NKAIN2: variants seen among roughly 807,000 people sequenced by gnomAD.
The protein encoded by NKAIN2 is sodium/potassium-transporting ATPase subunit beta-1-interacting protein 2.
NKAIN2 carries 14 observed loss-of-function variants against 32.6 expected under a neutral mutation model. The ratio of observed to expected loss-of-function variants is 0.43; its 90% CI spans 0.28 to 0.67. The LOEUF (loss-of-function observed/expected upper bound fraction) is 0.67. Among genes scored for constraint, NKAIN2 ranks in the 30% least tolerant of loss-of-function variants. The pLI is 0.17. For missense variants in NKAIN2, 198 were observed against 258.3 expected (o/e 0.77, Z 1.60); for synonymous variants, 80 against 87.2 (o/e 0.92, Z 0.46).
intron 3 of NKAIN2, among the ~76,000 whole-genome samples, chr6:124,579,437 G>T (rs997759378): frequency 2.0e-4 from 30 of 152,316 alleles, no homozygotes; most frequent in Admixed American, 1.7e-3. Flanking sequence ...AAGAAATTCT[G>T]CAGCTGAAAA....
At chr6:124,734,606 C>T (rs893055979) in intron 4 of NKAIN2, among the ~76,000 whole-genome samples, 4 of 151,800 alleles carry the variant, frequency 2.6e-5, no homozygotes, top group South Asian at 2.1e-4. Flanking sequence ...CAGAAGGTAC[C>T]TCCTAAGAAA....
In NKAIN2 at chr6:124,791,213, G is replaced by A. The variant is rs17052389; in HGVS notation, c.475-126G>A. 4,622 of 581,332 alleles carry A rather than the reference G, an allele frequency of 8.0e-3. 136 individuals are homozygous for A. Among genetic ancestry groups the A allele is most frequent in the African/African-American group, 0.071 (3,919 of 55,284 alleles). 36.0% of individuals were successfully genotyped at this position (581,332 alleles called of 1,614,324 possible). On this transcript the variant is annotated intron_variant, in intron 4 of 6. Coordinates refer to ENST00000368417, the MANE Select transcript of NKAIN2 (RefSeq NM_001040214.3). ...CCACACTGAAGTCAAGGTCCAGTCC[G>A]ATGAGCCATGTTGGTTGGAGCCCTA...
intron 3 of NKAIN2, among the ~76,000 whole-genome samples, chr6:124,431,664 T>C (rs951307089): frequency 6.6e-6 from 1 of 152,186 alleles, no homozygotes; most frequent in Non-Finnish European, 1.5e-5. Flanking sequence ...CCTATAGGTA[T>C]TGATTTAAAC....
At chr6:124,559,221 T>C (rs1400518701) in intron 3 of NKAIN2, among the ~76,000 whole-genome samples, 2 of 152,172 alleles carry the variant, frequency 1.3e-5, no homozygotes, top group African/African-American at 4.8e-5. Context: ...CCAATACACG[T>C]TTATTCTCTG....
chr6:124,523,053 G>C (rs2114801173), intron 3 of NKAIN2, among the ~76,000 whole-genome samples: 1 of 97,262 alleles, frequency 1.0e-5, no homozygotes, highest in East Asian at 3.9e-4. Flanking sequence ...TGAGGCAGGA[G>C]AATGGCGTGA....
At chr6:124,443,674 A>G (rs1242628419) in intron 3 of NKAIN2, among the ~76,000 whole-genome samples, 1 of 152,066 alleles carries the variant, frequency 6.6e-6, no homozygotes, top group East Asian at 1.9e-4. Context: ...CTGTCTTGAC[A>G]GGGTCTAATA....
intron 3 of NKAIN2, among the ~76,000 whole-genome samples, chr6:124,414,288 G>C (rs951841212): frequency 2.6e-5 from 4 of 152,042 alleles, no homozygotes; most frequent in African/African-American, 9.7e-5. Flanking sequence ...TTATTAAGAT[G>C]ATCACATTTT....
chr6:123,959,630 G>A (rs1294164465), intron 1 of NKAIN2, among the ~76,000 whole-genome samples: 1 of 152,094 alleles, frequency 6.6e-6, no homozygotes, highest in Non-Finnish European at 1.5e-5. Flanking sequence ...TCTTAAACCT[G>A]TTAGCATCAT....
At chr6:124,106,804 C>G (rs965478734) in intron 1 of NKAIN2, among the ~76,000 whole-genome samples, 4 of 152,096 alleles carry the variant, frequency 2.6e-5, no homozygotes, top group Non-Finnish European at 5.9e-5. Context: ...CTATGTGTGC[C>G]AGGCACTATC....
intron 1 of NKAIN2, among the ~76,000 whole-genome samples, chr6:123,978,642 G>A (rs969861233): frequency 2.0e-5 from 3 of 151,974 alleles, no homozygotes; most frequent in Admixed American, 2.0e-4. Flanking sequence ...CAACACAGAG[G>A]GTTTTAAAAT....
At chr6:124,743,727 G>A (rs2114694741) in intron 4 of NKAIN2, among the ~76,000 whole-genome samples, 1 of 151,944 alleles carries the variant, frequency 6.6e-6, no homozygotes, top group South Asian at 2.1e-4. Flanking sequence ...TAGAAGTATT[G>A]TTGGTAAGTT....
At chr6:123,940,732 C>T (rs927177548) in intron 1 of NKAIN2, among the ~76,000 whole-genome samples, 7 of 152,004 alleles carry the variant, frequency 4.6e-5, no homozygotes, top group East Asian at 3.9e-4. Flanking sequence ...TAGGACTGGA[C>T]GTTGCTTTGA....
intron 3 of NKAIN2, among the ~76,000 whole-genome samples, chr6:124,572,901 G>A (rs1424016580): frequency 6.6e-6 from 1 of 151,976 alleles, no homozygotes; most frequent in Non-Finnish European, 1.5e-5. Flanking sequence ...AGTGCTGGGG[G>A]TGATCTCTGC....
chr6:124,543,007 A>G (rs1349245007), intron 3 of NKAIN2, among the ~76,000 whole-genome samples: 1 of 152,170 alleles, frequency 6.6e-6, no homozygotes, highest in Non-Finnish European at 1.5e-5. Context: ...AGTATTTCAC[A>G]GCACTTGATA....
intron 3 of NKAIN2, among the ~76,000 whole-genome samples, chr6:124,599,829 A>G (rs1782240423): frequency 6.6e-6 from 1 of 152,196 alleles, no homozygotes; most frequent in African/African-American, 2.4e-5. Flanking sequence ...GGTGATGATA[A>G]ATGACATCCC....
At chr6:124,209,468 G>A (rs1791060828) in intron 1 of NKAIN2, among the ~76,000 whole-genome samples, 1 of 151,810 alleles carries the variant, frequency 6.6e-6, no homozygotes, top group African/African-American at 2.4e-5. Context: ...TATATACTCA[G>A]CATTGGGATT....
chr6:124,607,680 ATG>A (rs748213254), intron 3 of NKAIN2, among the ~76,000 whole-genome samples: 156 of 152,118 alleles, frequency 1.0e-3, no homozygotes, highest in Middle Eastern at 6.8e-3. Context: ...ACATATATAT[ATG>A]TGTGTGTTTA....
At chr6:124,041,745 T>G (rs190798789) in intron 1 of NKAIN2, among the ~76,000 whole-genome samples, 173 of 152,206 alleles carry the variant, frequency 1.1e-3, no homozygotes, top group African/African-American at 3.9e-3. Context: ...GTTTATGAAT[T>G]TGTTCACTTT....
chr6:124,798,772 A>G (rs1385481723), intron 5 of NKAIN2, among the ~76,000 whole-genome samples: 1 of 152,190 alleles, frequency 6.6e-6, no homozygotes, highest in Non-Finnish European at 1.5e-5. Context: ...AGATTAAATG[A>G]CTTGCCCAAA....
Sources: gnomAD v4.1 joint callset for allele counts (sites outside exome capture counted in the v4.1 genomes callset) on GRCh38, gnomAD v4.1.1 for gene constraint, MANE v1.5 for transcripts, NCBI Gene and HGNC (gene_info 2026-07-23, HGNC 2026-07-21) for gene names.